Variants in CD36 observed in about 807,000 individuals in gnomAD.
CD36 encodes platelet glycoprotein 4.
In CD36, 119 loss-of-function variants were observed where a neutral mutation model predicts 55.2. The observed-to-expected ratio is 2.15, with a 90% CI of 1.86 to 2.51. CD36 has a LOEUF of 2.51. Among genes scored for constraint, CD36 ranks in the 30% most tolerant of loss-of-function variants. The pLI is 0.00. For missense variants in CD36, 819 were observed against 555.5 expected (o/e 1.47, Z -4.77); for synonymous variants, 186 against 193.6 (o/e 0.96, Z 0.33).
At chr7:80,658,596 G>A (rs193211010) in intron 4 of CD36, among the ~76,000 whole-genome samples, 1 of 152,212 alleles carries the variant, frequency 6.6e-6, no homozygotes, top group East Asian at 1.9e-4. Context: ...AGGCTCAAGT[G>A]ATCCTCCCAC....
rs3212005 is a variant in CD36, at chr7:80,659,973, A to G, written c.282-1090A>G. 1.9e-3 allele frequency among the ~76,000 whole-genome samples: 285 copies of G among 152,252 alleles called. 2 individuals are homozygous for G. Among genetic ancestry groups the G allele is most frequent in the Admixed American group, 4.7e-3 (72 of 15,288 alleles). On this transcript the variant is annotated intron_variant, in intron 4 of 14. Coordinates refer to ENST00000447544, the MANE Select transcript of CD36 (RefSeq NM_001001548.3). The stretch of plus-strand genomic sequence containing the variant: ...AATACATTTACTGAGAACTCATTAT[A>G]TACCAGGCATGATGCTTAGAGATAC...
upstream of CD36, among the ~76,000 whole-genome samples, chr7:80,634,322 A>G (rs1295561211): frequency 1.3e-5 from 2 of 152,062 alleles, no homozygotes; most frequent in African/African-American, 4.8e-5. Flanking sequence ...TCACCCATTC[A>G]ATCTAGAATT....
chr7:80,628,302 TGTTATAG>T (rs1484715864), intron 1 of CD36, among the ~76,000 whole-genome samples: 1 of 152,034 alleles, frequency 6.6e-6, no homozygotes, highest in African/African-American at 2.4e-5. Context: ...CCTGGTAATA[TGTTATAG>T]GGAGTTTCAT....
At chr7:80,673,186 C>A in intron 12 of CD36, 169 bp from the exon 13 acceptor site, 1 of 525,106 alleles carries the variant, frequency 1.9e-6, no homozygotes, top group Non-Finnish European at 3.4e-6. Flanking sequence ...GATTAGAAGA[C>A]ATATAAGAGC....
Position 80,643,650 on chromosome 7 carries a change from T to C in CD36, c.-183-2438T>C, listed in dbSNP as rs140496605. Among the ~76,000 whole-genome samples, 1,090 of 152,266 alleles carry C rather than the reference T, an allele frequency of 7.2e-3. 17 individuals carry two copies. The highest frequency in any genetic ancestry group is 0.024 in the African/African-American group (1,017 of 41,544). Reference sequence around the variant, plus strand: ...GAGTCTCTGGGTTTCTTAACTGCTGTGGAATCAGTCATTTTACCTAATGCA... The same window carrying C: ...GAGTCTCTGGGTTTCTTAACTGCTGCGGAATCAGTCATTTTACCTAATGCA... On this transcript the variant is annotated intron_variant, in intron 1 of 14. Coordinates refer to ENST00000447544, the MANE Select transcript of CD36 (RefSeq NM_001001548.3).
intron 1 of CD36, among the ~76,000 whole-genome samples, chr7:80,604,555 C>T (rs1379744910): frequency 6.6e-6 from 1 of 151,202 alleles, no homozygotes; most frequent in Non-Finnish European, 1.5e-5. Flanking sequence ...TGTTTTGAAA[C>T]ATACTCAGAG....
chr7:80,638,538 A>AC (rs1794579401), upstream of CD36: 1 of 142,120 alleles, frequency 7.0e-6, no homozygotes, highest in Non-Finnish European at 1.5e-5. Flanking sequence ...CTGGCAACAA[A>AC]CCACACACTG....
chr7:80,636,349 T>C (rs1794398093), upstream of CD36, among the ~76,000 whole-genome samples: 1 of 152,038 alleles, frequency 6.6e-6, no homozygotes, highest in Non-Finnish European at 1.5e-5. Flanking sequence ...TGAATGTTAA[T>C]TAACTTGATT....
intron 11 of CD36, 74 bp downstream of exon 11, chr7:80,672,114 G>T (rs1267494959): frequency 2.5e-6 from 3 of 1,184,040 alleles, no homozygotes; most frequent in East Asian, 4.9e-5. Flanking sequence ...TAATCTTGTC[G>T]ATGATTATTT....
At chr7:80,666,881 A>G (rs567278746) in intron 8 of CD36, among the ~76,000 whole-genome samples, 3 of 152,374 alleles carry the variant, frequency 2.0e-5, no homozygotes, top group South Asian at 4.1e-4. Context: ...TACAAAATAG[A>G]AAACATATCT....
At chr7:80,649,242 G>T (rs1190208148) in intron 3 of CD36, among the ~76,000 whole-genome samples, 1 of 151,978 alleles carries the variant, frequency 6.6e-6, no homozygotes, top group Non-Finnish European at 1.5e-5. Flanking sequence ...CTAGCCAATA[G>T]GGAAAGAAGT....
intron 3 of CD36, among the ~76,000 whole-genome samples, chr7:80,650,593 C>T (rs1584382450): frequency 6.6e-6 from 1 of 151,970 alleles, no homozygotes; most frequent in East Asian, 1.9e-4. Context: ...GTTTAGCTGA[C>T]TAATAGCAAA....
rs1483780268 is a variant in CD36 at position 80,679,139 on chromosome 7, C to A, written c.*2756C>A. On this transcript the variant is annotated 3_prime_UTR_variant, in exon 15 of 15. Transcript: ENST00000447544. ...CCTGAGCTATTTTCACTGAGCTGAGCTAATGAACTAAAACTGAGTTATGTT... is the reference window on the plus strand; with the variant it reads ...CCTGAGCTATTTTCACTGAGCTGAGATAATGAACTAAAACTGAGTTATGTT... 1.3e-5 allele frequency: 2 copies of A among 152,072 alleles called. No individual in the cohort carries two copies. The highest frequency in any genetic ancestry group is 2.9e-5 in the Non-Finnish European group (2 of 68,008). 9.4% of individuals were successfully genotyped at this position (152,072 alleles called of 1,614,324 possible).
At chr7:80,611,029 C>A (rs777645258) in intron 1 of CD36, among the ~76,000 whole-genome samples, 4 of 152,230 alleles carry the variant, frequency 2.6e-5, no homozygotes, top group Non-Finnish European at 5.9e-5. Context: ...GTACACACCA[C>A]CATGCCCAGC....
At chr7:80,670,802 TGGCTATTGA>T (rs1417854202) in intron 9 of CD36, 166 bp from the exon 10 acceptor site, 1 of 605,204 alleles carries the variant, frequency 1.7e-6, no homozygotes. Flanking sequence ...AGTTCATGCT[TGGCTATTGA>T]GTTTTAGTAT....
In CD36 at chr7:80,672,763, T is replaced by G. The variant is rs367600610; in HGVS notation, c.1126-7T>G. On this transcript the variant is annotated splice_region_variant and splice_polypyrimidine_tract_variant and intron_variant, in intron 11 of 14. Transcript: ENST00000447544. ...AGTTGGTAATTATTTAGTTGTTCTC[T>G]TTTTAGATAACTGGATTCACTTTAC... is the stretch of plus-strand genomic sequence containing the variant. 2.5e-6 allele frequency: 4 copies of G among 1,593,944 alleles called. No individual in the cohort carries two copies. The highest frequency in any genetic ancestry group is 1.3e-5 in the African/African-American group (1 of 74,568).
At chr7:80,669,522 G>A (rs542132837) in intron 8 of CD36, among the ~76,000 whole-genome samples, 115 of 152,022 alleles carry the variant, frequency 7.6e-4, no homozygotes, top group Non-Finnish European at 1.1e-3. Context: ...CCGCCTCCTG[G>A]GTGCAAGCAA....
rs200190098 is a variant in CD36 at position 80,661,150 on chromosome 7, A to G, written c.369A>G (p.Glu123=). 1.2e-6 allele frequency: 2 copies of G among 1,614,010 alleles called. No homozygotes were observed. Among genetic ancestry groups the G allele is most frequent in the Non-Finnish European group, 1.7e-6 (2 of 1,179,904 alleles). ...TGCAGCCCAATGGTGCCATCTTCGA[A>G]CCTTCACTATCAGTTGGAACAGAGG... ...SFLQPNGAIF[E]PSLSVGTEAD... Residue 123 remains glutamate (E), a synonymous_variant, in exon 5 of 15, where the codon GAA becomes GAG. Coordinates refer to ENST00000447544, the MANE Select transcript of CD36 (RefSeq NM_001001548.3).
chr7:80,631,046 A>T (rs543434282), intron 1 of CD36, among the ~76,000 whole-genome samples: 1 of 151,992 alleles, frequency 6.6e-6, no homozygotes, highest in Admixed American at 6.6e-5. Context: ...CCAACAAAAC[A>T]TCGTGTCCGA....
Sources: gnomAD v4.1 joint callset for allele counts (sites outside exome capture counted in the v4.1 genomes callset) on GRCh38, gnomAD v4.1.1 for gene constraint, MANE v1.5 for transcripts, NCBI Gene and HGNC (gene_info 2026-07-23, HGNC 2026-07-21) for gene names.